The following ZCCHC17 variants were observed in gnomAD, a reference collection of about 807,000 sequenced individuals.
ZCCHC17 encodes the protein zinc finger CCHC-type containing 17.
ZCCHC17 carries 18 observed loss-of-function variants against 30.6 expected under a neutral mutation model. The ratio of observed to expected loss-of-function variants is 0.59; its 90% CI spans 0.41 to 0.87. The LOEUF (loss-of-function observed/expected upper bound fraction) is 0.87. Ranked by LOEUF, ZCCHC17 falls within the 40% of genes least tolerant of loss-of-function variation. The pLI is 0.00. For missense variants in ZCCHC17, 263 were observed against 284.2 expected (o/e 0.93, Z 0.54); for synonymous variants, 88 against 92.4 (o/e 0.95, Z 0.27).
intron 7 of ZCCHC17, among the ~76,000 whole-genome samples, chr1:31,357,505 G>C (rs1347083421): frequency 6.6e-6 from 1 of 152,100 alleles, no homozygotes; most frequent in Admixed American, 6.5e-5. Context: ...GCTCTGTTCT[G>C]GCCATTGCAG....
intron 4 of ZCCHC17, among the ~76,000 whole-genome samples, chr1:31,337,691 T>C (rs1638874979): frequency 6.6e-6 from 1 of 152,150 alleles, no homozygotes; most frequent in South Asian, 2.1e-4. Flanking sequence ...TTTTCCCTAA[T>C]ATCTGGCACC....
chr1:31,356,213 A>C (rs1030656986), intron 7 of ZCCHC17, among the ~76,000 whole-genome samples: 1 of 152,236 alleles, frequency 6.6e-6, no homozygotes, highest in Non-Finnish European at 1.5e-5. Flanking sequence ...CAGCCAAGCT[A>C]TGTATGGTGG....
chr1:31,317,350 C>T (rs181599792), intron 2 of ZCCHC17, among the ~76,000 whole-genome samples: 156 of 152,224 alleles, frequency 1.0e-3, no homozygotes, highest in African/African-American at 3.6e-3. Context: ...TAGTTGTGTG[C>T]CTTCCTACCA....
intron 7 of ZCCHC17, among the ~76,000 whole-genome samples, chr1:31,353,524 T>C (rs1338718600): frequency 6.6e-6 from 1 of 152,210 alleles, no homozygotes; most frequent in Non-Finnish European, 1.5e-5. Context: ...TTTTCTCTTA[T>C]TGCTGATGCT....
intron 7 of ZCCHC17, among the ~76,000 whole-genome samples, chr1:31,363,226 A>C (rs1348216452): frequency 7.1e-6 from 1 of 141,584 alleles, no homozygotes; most frequent in Non-Finnish European, 1.5e-5. Context: ...CTCTGTCGCC[A>C]AGGCTGGAGT....
rs146538988 is a variant in ZCCHC17, at chr1:31,336,918, C to T, written c.125-257C>T. On this transcript the variant is annotated intron_variant, in intron 3 of 7. Coordinates refer to ENST00000344147, the MANE Select transcript of ZCCHC17 (RefSeq NM_016505.4). The stretch of plus-strand genomic sequence containing the variant: ...TGAACTCCTGAGCTCAGGCAATCTG[C>T]CCGCCTCAGCCTTCCAAAGTTCTGG... 1.3e-3 allele frequency among the ~76,000 whole-genome samples: 193 copies of T among 151,886 alleles called. 1 individual carries two copies. Among genetic ancestry groups the T allele is most frequent in the African/African-American group, 4.5e-3 (187 of 41,390 alleles).
chr1:31,306,377 A>G (rs533507562), intron 1 of ZCCHC17, among the ~76,000 whole-genome samples: 12 of 152,342 alleles, frequency 7.9e-5, no homozygotes, highest in African/African-American at 2.9e-4. Context: ...GATGGCTACT[A>G]TGTGACTAAT....
At chr1:31,353,197 T>C (rs1382412361) in intron 7 of ZCCHC17, among the ~76,000 whole-genome samples, 2 of 152,242 alleles carry the variant, frequency 1.3e-5, no homozygotes, top group African/African-American at 4.8e-5. Context: ...TTTAAGTTCT[T>C]TGCCTATTTT....
chr1:31,333,406 G>A (rs1261024553), intron 3 of ZCCHC17, among the ~76,000 whole-genome samples: 3 of 151,720 alleles, frequency 2.0e-5, no homozygotes, highest in Non-Finnish European at 4.4e-5. Context: ...ACCTGTAATC[G>A]CAGCTACTCG....
chr1:31,350,819 C>T (rs1289544984), intron 7 of ZCCHC17, among the ~76,000 whole-genome samples: 1 of 152,112 alleles, frequency 6.6e-6, no homozygotes, highest in African/African-American at 2.4e-5. Flanking sequence ...CCAGGGTGGT[C>T]TCAAACTCCT....
chr1:31,334,303 A>G (rs906421627), intron 3 of ZCCHC17, among the ~76,000 whole-genome samples: 1 of 51,596 alleles, frequency 1.9e-5, no homozygotes, highest in African/African-American at 5.4e-5. Flanking sequence ...ATCCATGTGC[A>G]TCTCTCTCTC....
chr1:31,349,045 T>TG (rs1639376528), intron 7 of ZCCHC17, 71 bp downstream of exon 7: 2 of 1,502,766 alleles, frequency 1.3e-6, no homozygotes, highest in Non-Finnish European at 1.8e-6. Context: ...AAAAGCCTCA[T>TG]GCAGCAGTAC....
At position 31,364,408 on chromosome 1, in the gene ZCCHC17, C is replaced by G; in HGVS notation, c.*215C>G. The G allele has an allele frequency of 1.3e-6, 1 of 787,040 alleles. No individual in the cohort carries two copies. Among genetic ancestry groups the G allele is most frequent in the Non-Finnish European group, 1.9e-6 (1 of 521,272 alleles). The allele number at this position is 787,040 out of a possible 1,614,324, so 48.8% of individuals were successfully genotyped here. A position where few individuals can be genotyped will look rare whatever the true frequency, so the allele number is the denominator to read the frequency against. On this transcript the variant is annotated 3_prime_UTR_variant, in exon 8 of 8. Coordinates refer to ENST00000344147, the MANE Select transcript of ZCCHC17 (RefSeq NM_016505.4). ...TTGTTGTTTCCTTATCACTCCTGGT[C>G]CCTTTGCAAGTGAACCCTGCAGCTC...
chr1:31,325,083 C>A, intron 3 of ZCCHC17, among the ~76,000 whole-genome samples: 1 of 152,178 alleles, frequency 6.6e-6, no homozygotes, highest in East Asian at 1.9e-4. Context: ...GGGTTACCCA[C>A]ACTGGGTCTC....
rs1640066276 is a variant in ZCCHC17, at chr1:31,364,723, C to CT, written c.*531dup. The CT allele has an allele frequency of 6.5e-6, 1 of 154,226 alleles. No homozygotes were observed. The highest frequency in any genetic ancestry group is 1.4e-5 in the Non-Finnish European group (1 of 69,024). 9.6% of individuals were successfully genotyped at this position (154,226 alleles called of 1,614,324 possible). A position where few individuals can be genotyped will look rare whatever the true frequency, so the allele number is the denominator to read the frequency against. ...TTTTCCCATTCCTCCTAACATAGTT[C>CT]TACTATGCTAGAAGTGGCATCCAGC... On this transcript the variant is annotated 3_prime_UTR_variant, in exon 8 of 8. Transcript: ENST00000344147.
chr1:31,336,832 GTTT>G (rs11345442), intron 3 of ZCCHC17, among the ~76,000 whole-genome samples: 2 of 144,168 alleles, frequency 1.4e-5, no homozygotes, highest in Admixed American at 6.9e-5. Context: ...GCCTGGCCAG[GTTT>G]TTTTTTTTTT....
At chr1:31,327,471 C>T (rs1172038157) in intron 3 of ZCCHC17, among the ~76,000 whole-genome samples, 1 of 152,200 alleles carries the variant, frequency 6.6e-6, no homozygotes, top group Non-Finnish European at 1.5e-5. Flanking sequence ...TACCCTAGGT[C>T]AACTGAGGTT....
intron 7 of ZCCHC17, among the ~76,000 whole-genome samples, chr1:31,349,202 G>C (rs1185001289): frequency 6.6e-6 from 1 of 150,974 alleles, no homozygotes; most frequent in East Asian, 1.9e-4. Flanking sequence ...TCTCTAAAAA[G>C]AAATTTTTTT....
rs185603631 is a variant in ZCCHC17 at position 31,333,146 on chromosome 1, C to G, written c.125-4029C>G. 1.0e-3 allele frequency: 156 copies of G among 152,160 alleles called. 1 individual carries two copies. The highest frequency in any genetic ancestry group is 3.6e-3 in the African/African-American group (148 of 41,524). The allele number at this position is 152,160 out of a possible 1,614,324, so 9.4% of individuals were successfully genotyped here. A position where few individuals can be genotyped will look rare whatever the true frequency, so the allele number is the denominator to read the frequency against. ...TGTTTCCAGTTTTTCACTGCTAACG[C>G]TTCTAGACTGGTCATGTTTATCCAG... On this transcript the variant is annotated intron_variant, in intron 3 of 7. Transcript: ENST00000344147.
Sources: allele counts gnomAD v4.1 joint callset (sites outside exome capture counted in the v4.1 genomes callset), GRCh38; gene constraint gnomAD v4.1.1; transcripts MANE v1.5; gene names NCBI Gene and HGNC (gene_info 2026-07-23, HGNC 2026-07-21).